Variants in HK1 observed in about 807,000 individuals in gnomAD.
HK1 encodes hexokinase-1.
In HK1, 28 loss-of-function variants were observed where a neutral mutation model predicts 91.6. That is an observed-to-expected ratio of 0.31 (90% CI 0.23 to 0.42). The LOEUF (loss-of-function observed/expected upper bound fraction) is 0.42. HK1 is among the 10% of genes least tolerant of loss of function. The pLI is 1.00. For synonymous variants in HK1, 430 were observed against 468.1 expected, an observed-to-expected ratio of 0.92 and a Z score of 1.05; for missense variants, 770 against 1,219.8, an observed-to-expected ratio of 0.63 and a Z score of 5.49.
At chr10:69,376,911 T>C (rs1230564088) in intron 7 of HK1, 23 bp from the exon 8 acceptor site, 7 of 1,613,982 alleles carry the variant, frequency 4.3e-6, no homozygotes, top group Non-Finnish European at 5.9e-6. Context: ...GGCTGACAAG[T>C]GCCGGTGTGC....
At chr10:69,318,342 C>T (rs951280107), upstream of HK1, 51 of 512,342 alleles carry the variant, frequency 1.0e-4, no homozygotes, top group African/African-American at 9.6e-4. Context: ...CCCACTTCTG[C>T]AAGTCCCCTC....
intron 1 of HK1, among the ~76,000 whole-genome samples, chr10:69,331,891 ATT>A (rs58250913): frequency 2.0e-5 from 3 of 150,652 alleles, no homozygotes; most frequent in African/African-American, 2.4e-5. Flanking sequence ...AAAAAAAAAA[ATT>A]TTTTTTCTGA....
intron 7 of HK1, among the ~76,000 whole-genome samples, chr10:69,371,946 TCTGTTTTCACACTGC>T (rs1407110016): frequency 2.6e-5 from 4 of 152,306 alleles, no homozygotes; most frequent in African/African-American, 9.6e-5. Context: ...GTTGTATTAG[TCTGTTTTCACACTGC>T]CTATAAAGAC....
chr10:69,392,687 CTCCGTG>C (rs1362726728), intron 15 of HK1, among the ~76,000 whole-genome samples: 1 of 152,166 alleles, frequency 6.6e-6, no homozygotes, highest in African/African-American at 2.4e-5. Context: ...TCGTCCTTTC[CTCCGTG>C]AGCCTCCTGC....
chr10:69,276,760 TTTAA>T (rs774717128), intron 1 of HK1, among the ~76,000 whole-genome samples: 10 of 149,764 alleles, frequency 6.7e-5, no homozygotes, highest in Non-Finnish European at 1.0e-4. Context: ...CATTCAATCA[TTTAA>T]TTAATAATAA....
chr10:69,346,560 T>G (rs931194541), intron 2 of HK1, among the ~76,000 whole-genome samples: 4 of 152,194 alleles, frequency 2.6e-5, no homozygotes, highest in African/African-American at 9.6e-5. Context: ...TTTGTAGAGA[T>G]AGGGTTTTGC....
chr10:69,299,517 C>T (rs1845743706), intron 4 of HK1, among the ~76,000 whole-genome samples: 1 of 151,536 alleles, frequency 6.6e-6, no homozygotes, highest in Non-Finnish European at 1.5e-5. Context: ...CAGGCGTGCG[C>T]CACCAGGCCC....
At chr10:69,298,604 G>A (rs1845691147) in intron 4 of HK1, among the ~76,000 whole-genome samples, 1 of 150,538 alleles carries the variant, frequency 6.6e-6, no homozygotes, top group Non-Finnish European at 1.5e-5. Flanking sequence ...CCCCAGCGTG[G>A]GTGACAGTGA....
In HK1 at chr10:69,380,355, A is replaced by T. The variant is rs1385572275; in HGVS notation, c.1265+260A>T. Among the ~76,000 whole-genome samples, 1 of 152,186 alleles carries T rather than the reference A, an allele frequency of 6.6e-6. No homozygotes were observed. Among genetic ancestry groups the T allele is most frequent in the Non-Finnish European group, 1.5e-5 (1 of 68,030 alleles). ...AAATAAATAGATAAATAACATGCTT[A>T]GTTCTGGGCATAAGGTCAGCGTCGC... On this transcript the variant is annotated intron_variant, in intron 9 of 17. Coordinates refer to ENST00000359426, the MANE Select transcript of HK1 (RefSeq NM_000188.3). The surrounding 1 kb of genome is among the most constrained non-coding windows in gnomAD (Gnocchi z 4.0).
At chr10:69,359,841 T>C (rs945402561) in intron 2 of HK1, 56 bp from the exon 3 acceptor site, 31 of 1,558,018 alleles carry the variant, frequency 2.0e-5, no homozygotes, top group Admixed American at 1.5e-4. Context: ...GGGCATGGTA[T>C]GTGGCTTCCC....
chr10:69,287,575 A>T (rs1280891344), intron 2 of HK1, among the ~76,000 whole-genome samples: 1 of 152,224 alleles, frequency 6.6e-6, no homozygotes, highest in Admixed American at 6.5e-5. Flanking sequence ...AGACACAGAA[A>T]GTAGATTAGT....
chr10:69,288,594 G>T, intron 2 of HK1: 1 of 779,556 alleles, frequency 1.3e-6, no homozygotes, highest in Non-Finnish European at 2.4e-6. Flanking sequence ...AGGGTGTTTA[G>T]CTTCCTAATT....
chr10:69,325,660 C>T (rs1469627392), intron 1 of HK1, among the ~76,000 whole-genome samples: 1 of 151,810 alleles, frequency 6.6e-6, no homozygotes, highest in East Asian at 1.9e-4. Flanking sequence ...CCCCCTGCCC[C>T]CCAGTAGCTG....
chr10:69,306,602 C>T (rs1159624119), intron 5 of HK1, among the ~76,000 whole-genome samples: 3 of 152,078 alleles, frequency 2.0e-5, no homozygotes, highest in East Asian at 3.9e-4. Flanking sequence ...TGCATTTTTA[C>T]ATAAGTAAAG....
At chr10:69,357,437 A>G (rs976588843) in intron 2 of HK1, among the ~76,000 whole-genome samples, 1 of 152,168 alleles carries the variant, frequency 6.6e-6, no homozygotes, top group African/African-American at 2.4e-5. Context: ...ATACAAGGTC[A>G]TATACCGTAT....
At chr10:69,289,929 G>A (rs1208785623) in intron 3 of HK1, among the ~76,000 whole-genome samples, 2 of 151,902 alleles carry the variant, frequency 1.3e-5, no homozygotes, top group Non-Finnish European at 1.5e-5. Context: ...CCAGAAGCCC[G>A]TTCTTACATC....
In HK1 at chr10:69,368,619, C is replaced by T; in HGVS notation, c.579C>T (p.Ile193=). The T allele has an allele frequency of 6.2e-7, 1 of 1,613,678 alleles. No homozygotes were observed. Residue 193 remains isoleucine, a synonymous_variant, in exon 5 of 18, where the codon ATC becomes ATT. Coordinates refer to ENST00000359426, the MANE Select transcript of HK1 (RefSeq NM_000188.3). ...ADVVKLLNKA[I]KKRGDYDANI... is the part of the protein sequence containing the mutation. ...TGGTCAAACTGCTTAACAAAGCCAT[C>T]AAAAAGCGAGGGGTAATTTCTCCTG...
At chr10:69,341,577 G>C (rs963287974) in intron 1 of HK1, among the ~76,000 whole-genome samples, 7 of 151,660 alleles carry the variant, frequency 4.6e-5, no homozygotes, top group Admixed American at 4.6e-4. Flanking sequence ...TGATCCTCTT[G>C]CCTCAGCCTC....
chr10:69,359,915 C>T lies in HK1; in HGVS notation c.245C>T (p.Ala82Val). The part of the protein sequence containing the change: ...PDGSEKGDFI[A>V]LDLGGSSFRI... ...TAAACAGAAAAGGGAGATTTCATTG[C>T]CCTGGATCTTGGTGGGTCTTCCTTT... Residue 82 changes from alanine to valine, a missense_variant, in exon 3 of 18, where the codon GCC (alanine) becomes GTC (valine). This residue lies in a region of HK1 where 449 missense variants were observed against 665.1 expected (regional missense o/e 0.68). Coordinates refer to ENST00000359426, the MANE Select transcript of HK1 (RefSeq NM_000188.3). 3.1e-6 allele frequency: 5 copies of T among 1,614,078 alleles called. No homozygotes were observed. Among genetic ancestry groups the T allele is most frequent in the Non-Finnish European group, 4.2e-6 (5 of 1,179,944 alleles).
Sources: gnomAD v4.1 joint callset for allele counts (sites outside exome capture counted in the v4.1 genomes callset) on GRCh38, gnomAD v4.1.1 for gene constraint, gnomAD v4.1.1 regional missense constraint, Gnocchi (gnomAD v3.1) non-coding constraint, MANE v1.5 for transcripts, NCBI Gene and HGNC (gene_info 2026-07-23, HGNC 2026-07-21) for gene names.